The following TAF15 variants were observed in gnomAD, a reference collection of about 807,000 sequenced individuals.
TAF15 encodes TATA-box binding protein associated factor 15.
TAF15 carries 37 observed loss-of-function variants against 102.5 expected under a neutral mutation model. The ratio of observed to expected loss-of-function variants is 0.36; its 90% CI spans 0.28 to 0.47. The LOEUF (loss-of-function observed/expected upper bound fraction) is 0.47, where lower values mean the gene tolerates loss of function less well. TAF15 is among the 20% of genes least tolerant of loss of function. The pLI is 0.99. For synonymous variants in TAF15, 273 were observed against 259.2 expected (o/e 1.05, Z -0.51); for missense variants, 652 against 760.7 (o/e 0.86, Z 1.68).
At chr17:35,841,298 A>G (rs190771121) in intron 11 of TAF15, among the ~76,000 whole-genome samples, 59 of 152,374 alleles carry the variant, frequency 3.9e-4, no homozygotes, top group Admixed American at 9.1e-4. Context: ...GCATATAAGC[A>G]TATGTGTAGA....
intron 15 of TAF15, 145 bp from the exon 16 acceptor site, chr17:35,846,761 A>C: frequency 1.2e-6 from 1 of 817,520 alleles, no homozygotes; most frequent in Non-Finnish European, 2.1e-6. Context: ...AGTATCTTCT[A>C]GGAGTACAGA....
chr17:35,820,996 A>G (rs1486781361), intron 5 of TAF15, among the ~76,000 whole-genome samples: 1 of 152,184 alleles, frequency 6.6e-6, no homozygotes, highest in Non-Finnish European at 1.5e-5. Flanking sequence ...TACTTTTTAA[A>G]AATTGTGCTT....
At chr17:35,841,609 G>T (rs2087546563) in intron 11 of TAF15, among the ~76,000 whole-genome samples, 1 of 151,032 alleles carries the variant, frequency 6.6e-6, no homozygotes, top group African/African-American at 2.4e-5. Context: ...TCCCCATGTT[G>T]CCCAGGCTGG....
chr17:35,827,335 CAA>C (rs745381454), intron 7 of TAF15, among the ~76,000 whole-genome samples: 35 of 67,020 alleles, frequency 5.2e-4, no homozygotes, highest in Non-Finnish European at 4.6e-4. Flanking sequence ...GACTCCGTCG[CAA>C]AAAAAAAAAA....
chr17:35,839,402 G>A (rs541379600), intron 11 of TAF15, among the ~76,000 whole-genome samples: 323 of 61,620 alleles, frequency 5.2e-3, no homozygotes, highest in Middle Eastern at 0.034. Flanking sequence ...TTTTTTTTGA[G>A]ACGGAGTCTC....
At chr17:35,835,301 G>GTGTGCTGAC (rs2049618213) in intron 9 of TAF15, among the ~76,000 whole-genome samples, 1 of 152,214 alleles carries the variant, frequency 6.6e-6, no homozygotes, top group South Asian at 2.1e-4. Flanking sequence ...GTCTGCTTAA[G>GTGTGCTGAC]TGTGCTGACT....
chr17:35,822,474 G>A (rs1480631085), intron 5 of TAF15, among the ~76,000 whole-genome samples, 166 bp from the exon 6 acceptor site: 7 of 151,614 alleles, frequency 4.6e-5, no homozygotes, highest in Non-Finnish European at 2.9e-5. Context: ...ATCGTCTTTC[G>A]CAGGGAATTC....
At chr17:35,817,610 C>A in intron 1 of TAF15, 106 bp from the exon 2 acceptor site, 2 of 934,690 alleles carry the variant, frequency 2.1e-6, no homozygotes, top group Non-Finnish European at 3.4e-6. Flanking sequence ...TTTCTTTCTG[C>A]AGTTCTTTAC....
chr17:35,823,984 A>G, intron 6 of TAF15, 94 bp from the exon 7 acceptor site: 3 of 1,502,186 alleles, frequency 2.0e-6, no homozygotes, highest in South Asian at 1.1e-5. Context: ...ATTTTCTATA[A>G]GGATATGTGT....
chr17:35,809,616 G>C lies in TAF15; in HGVS notation c.7+40G>C, dbSNP rs372894697. 5.0e-6 allele frequency: 8 copies of C among 1,612,820 alleles called. No individual in the cohort carries two copies. In the African/African-American group the frequency reaches 8.0e-5, roughly 16 times the overall value. On this transcript the variant is annotated intron_variant, in intron 1 of 15. Transcript: ENST00000605844. The stretch of plus-strand genomic sequence containing the variant: ...CAGCGAGCAGCGGCAGCGACGAGAA[G>C]GTCCTGGCGGGGTTGGGCTGTCTTC...
intron 7 of TAF15, among the ~76,000 whole-genome samples, chr17:35,829,646 AAAAAAAAAAAGAG>A (rs2087376753): frequency 6.7e-6 from 1 of 149,374 alleles, no homozygotes; most frequent in Non-Finnish European, 1.5e-5. Context: ...AAAAAAAAAA[AAAAAAAAAAAGAG>A]AGAGAGAGAC....
At chr17:35,842,720 A>G (rs766974332) in intron 12 of TAF15, among the ~76,000 whole-genome samples, 17 of 145,722 alleles carry the variant, frequency 1.2e-4, no homozygotes, top group Non-Finnish European at 9.1e-5. Context: ...TCAGGAGGCA[A>G]TTTTTTTTTT....
Position 35,809,500 on chromosome 17 carries a change from C to T in TAF15, c.-70C>T, listed in dbSNP as rs2087097987. On this transcript the variant is annotated 5_prime_UTR_variant, in exon 1 of 16. Coordinates refer to ENST00000605844, the MANE Select transcript of TAF15 (RefSeq NM_139215.3). ...GCCGCCCTCAGTACAGCTCCGGCCG[C>T]CGCGCCGCCTGGCTTTCGTATTCGT... 1 of 1,608,074 alleles carries T rather than the reference C, an allele frequency of 6.2e-7. No homozygotes were observed. The highest frequency in any genetic ancestry group is 1.3e-5 in the African/African-American group (1 of 74,966).
chr17:35,824,801 G>A (rs1598529020), intron 7 of TAF15, among the ~76,000 whole-genome samples: 1 of 151,976 alleles, frequency 6.6e-6, no homozygotes, highest in South Asian at 2.1e-4. Flanking sequence ...TTTTAATTCA[G>A]CTTTTCTTTT....
chr17:35,841,898 A>G (rs2087552281), intron 11 of TAF15, among the ~76,000 whole-genome samples: 1 of 152,090 alleles, frequency 6.6e-6, no homozygotes, highest in African/African-American at 2.4e-5. Flanking sequence ...GGGTCTCATT[A>G]CGTTCCTCAG....
At chr17:35,842,569 C>G in intron 12 of TAF15, 110 bp downstream of exon 12, 1 of 812,020 alleles carries the variant, frequency 1.2e-6, no homozygotes, top group South Asian at 1.5e-5. Flanking sequence ...CTCGCTAGGT[C>G]TTTTTCCCTC....
intron 6 of TAF15, chr17:35,823,730 AT>A (rs1171338744): frequency 2.7e-5 from 7 of 259,852 alleles, no homozygotes; most frequent in Admixed American, 2.6e-4. Flanking sequence ...AAAAAAAAAG[AT>A]TGGGGTCGTG....
chr17:35,841,168 T>A (rs2087538498), intron 11 of TAF15, among the ~76,000 whole-genome samples: 1 of 150,064 alleles, frequency 6.7e-6, no homozygotes, highest in African/African-American at 2.5e-5. Flanking sequence ...ATTGTTATAT[T>A]ACTTTGGAAA....
At chr17:35,839,176 G>T (rs1234638808) in intron 11 of TAF15, among the ~76,000 whole-genome samples, 1 of 150,324 alleles carries the variant, frequency 6.7e-6, no homozygotes, top group African/African-American at 2.4e-5. Flanking sequence ...AGTTACTTAG[G>T]AGTCTGAGGT....
Sources: gnomAD v4.1 joint callset for allele counts (sites outside exome capture counted in the v4.1 genomes callset) on GRCh38, gnomAD v4.1.1 for gene constraint, MANE v1.5 for transcripts, NCBI Gene and HGNC (gene_info 2026-07-23, HGNC 2026-07-21) for gene names.